Variants in NUBP2 observed in about 807,000 individuals in gnomAD.
NUBP2 encodes the protein NUBP iron-sulfur cluster assembly factor 2, cytosolic, also known as cytosolic Fe-S cluster assembly factor NUBP2.
A neutral mutation model predicts 24.9 loss-of-function variants in NUBP2; 23 were observed. The ratio of observed to expected loss-of-function variants is 0.92; its 90% CI spans 0.66 to 1.31. The LOEUF is 1.31. Ranked by LOEUF, NUBP2 falls within the 50% of genes most tolerant of loss-of-function variation. The probability of loss-of-function intolerance (pLI) is 0.00; values close to 1 mark genes in which losing one functional copy is unlikely to be tolerated. For synonymous variants in NUBP2, 186 were observed against 170.9 expected (o/e 1.09, Z -0.69); for missense variants, 403 against 386.5 (o/e 1.04, Z -0.36).
At chr16:1,785,930 A>T (rs1267376233) in intron 1 of NUBP2, 1 of 1,274,756 alleles carries the variant, frequency 7.8e-7, no homozygotes, top group Non-Finnish European at 1.0e-6. Context: ...TTGCCAAGGT[A>T]TCTGCACACA....
chr16:1,786,298 C>G, intron 1 of NUBP2: 1 of 544,562 alleles, frequency 1.8e-6, no homozygotes, highest in Non-Finnish European at 3.3e-6. Context: ...TCAGCAGCGC[C>G]GCCTCAGGCA....
At chr16:1,787,910 G>T in intron 4 of NUBP2, 31 bp from the exon 5 acceptor site, 1 of 1,600,760 alleles carries the variant, frequency 6.2e-7, no homozygotes. Context: ...GGTGCGCCTG[G>T]CTGACCGTGG....
chr16:1,783,701 CTT>C (rs949892057), intron 1 of NUBP2, among the ~76,000 whole-genome samples: 12 of 152,288 alleles, frequency 7.9e-5, no homozygotes, highest in East Asian at 1.9e-4. Context: ...GTGCTGGAGT[CTT>C]TTGTTTTTGA....
rs561316720 is a variant in NUBP2, at chr16:1,788,930, G to A, written c.*216G>A. 1.7e-6 allele frequency: 1 copy of A among 583,462 alleles called. No homozygotes were observed. Among genetic ancestry groups the A allele is most frequent in the South Asian group, 2.7e-5 (1 of 36,896 alleles). 36.1% of individuals were successfully genotyped at this position (583,462 alleles called of 1,614,324 possible). A position where few individuals can be genotyped will look rare whatever the true frequency, so the allele number is the denominator to read the frequency against. ...AGTGCCGTGGTCTGCGTGCTCTGCAGCTGTGAGACGGGGGCGGCCTGGGCT... is the reference window on the plus strand; with the variant it reads ...AGTGCCGTGGTCTGCGTGCTCTGCAACTGTGAGACGGGGGCGGCCTGGGCT... On this transcript the variant is annotated 3_prime_UTR_variant, in exon 7 of 7. Transcript: ENST00000262302.
rs344359 is a variant in NUBP2, at chr16:1,788,639, T to C, written c.741T>C (p.Pro247=). Residue 247 remains proline (P), a synonymous_variant, in exon 7 of 7, where the codon CCT becomes CCC. Transcript: ENST00000262302. ...EEGHDFIQEF[P]GSPAFAALTS... ...GCCACGACTTCATCCAGGAGTTCCC[T>C]GGGAGCCCCGCCTTCGCTGCACTCA... 1,311,661 of 1,610,876 alleles carry C rather than the reference T, an allele frequency of 0.81. 536,010 individuals are homozygous for C. Among genetic ancestry groups the C allele is most frequent in the African/African-American group, 0.94 (70,715 of 75,002 alleles).
At chr16:1,784,487 C>G (rs1257886090) in intron 1 of NUBP2, 3 of 151,948 alleles carry the variant, frequency 2.0e-5, no homozygotes, top group Non-Finnish European at 4.4e-5. Flanking sequence ...ACTGCAATCT[C>G]CACCTCCCAA....
chr16:1,784,309 A>C (rs557709583), intron 1 of NUBP2, among the ~76,000 whole-genome samples: 1 of 151,576 alleles, frequency 6.6e-6, no homozygotes, highest in Non-Finnish European at 1.5e-5. Context: ...GTGGTGCGGA[A>C]CTCCTCCTGG....
At chr16:1,785,293 G>GA (rs1304173819) in intron 1 of NUBP2, 4 of 1,045,044 alleles carry the variant, frequency 3.8e-6, no homozygotes, top group Non-Finnish European at 4.6e-6. Flanking sequence ...GCTGAGAAGT[G>GA]AAATGTTCTT....
At chr16:1,787,172 G>C in intron 3 of NUBP2, 1 of 505,886 alleles carries the variant, frequency 2.0e-6, no homozygotes, top group Non-Finnish European at 3.5e-6. Flanking sequence ...AGGGAGTGGG[G>C]TCTGCTGAGA....
At chr16:1,786,263 G>A (rs559970899) in intron 1 of NUBP2, 14 of 502,344 alleles carry the variant, frequency 2.8e-5, no homozygotes, top group Admixed American at 6.8e-5. Flanking sequence ...TCCACACAGC[G>A]AGAGGAGTTG....
At chr16:1,787,440 G>A (rs1596875789) in intron 3 of NUBP2, 4 of 590,344 alleles carry the variant, frequency 6.8e-6, no homozygotes, top group South Asian at 4.3e-5. Context: ...GGGAGTCAGC[G>A]GGGGCTCTGT....
At chr16:1,787,483 T>C (rs970822196) in intron 3 of NUBP2, 194 bp from the exon 4 acceptor site, 15 of 716,648 alleles carry the variant, frequency 2.1e-5, no homozygotes, top group Non-Finnish European at 3.0e-5. Context: ...AAAGGGACGC[T>C]GTAATGGCCC....
Position 1,788,768 on chromosome 16 carries a change from T to C in NUBP2, c.*54T>C. ...GGCCACCAAGGGCTCTGCTCCAGCCTCTCAGAGAAACAGAGGCCTGGGCTC... is the reference window on the plus strand; with the variant it reads ...GGCCACCAAGGGCTCTGCTCCAGCCCCTCAGAGAAACAGAGGCCTGGGCTC... On this transcript the variant is annotated 3_prime_UTR_variant, in exon 7 of 7. Coordinates refer to ENST00000262302, the MANE Select transcript of NUBP2 (RefSeq NM_012225.4). 3 of 1,554,588 alleles carry C rather than the reference T, an allele frequency of 1.9e-6. No individual in the cohort carries two copies. The highest frequency in any genetic ancestry group is 2.6e-6 in the Non-Finnish European group (3 of 1,149,630).
At chr16:1,787,873 C>G (rs757268132) in intron 4 of NUBP2, 42 bp downstream of exon 4, 139 of 1,601,626 alleles carry the variant, frequency 8.7e-5, no homozygotes, top group Non-Finnish European at 1.2e-4. Flanking sequence ...GGGTGGCTTC[C>G]CAGAGGGCTG....
In NUBP2 at chr16:1,786,082, GGTT is replaced by G. The variant is rs1294436209; in HGVS notation, c.17-450_17-448del. ...GGGACGCTGGTGTGTGACAACGCGTGGTTGTTGCCACCCACCCTGGGCCCTCTG... is the reference window on the plus strand; with the variant it reads ...GGGACGCTGGTGTGTGACAACGCGTGGTTGCCACCCACCCTGGGCCCTCTG... On this transcript the variant is annotated intron_variant, in intron 1 of 6. Transcript: ENST00000262302. 8 of 943,082 alleles carry G rather than the reference GGTT, an allele frequency of 8.5e-6. No individual in the cohort carries two copies. The African/African-American group carries it at 1.2e-4, about 14-fold the overall frequency. 58.4% of individuals were successfully genotyped at this position (943,082 alleles called of 1,614,324 possible).
Position 1,789,021 on chromosome 16 carries a change from C to T in NUBP2, c.*307C>T. 2 of 390,298 alleles carry T rather than the reference C, an allele frequency of 5.1e-6. No homozygotes were observed. The highest frequency in any genetic ancestry group is 9.3e-6 in the Non-Finnish European group (2 of 215,722). 24.2% of individuals were successfully genotyped at this position (390,298 alleles called of 1,614,324 possible). A position where few individuals can be genotyped will look rare whatever the true frequency, so the allele number is the denominator to read the frequency against. On this transcript the variant is annotated 3_prime_UTR_variant, in exon 7 of 7. Transcript: ENST00000262302. ...GCGTGTCCACACAGTTAGCGGAGCG[C>T]GGGACTTCTGCAGTCCTCAGGTGAC...
intron 3 of NUBP2, chr16:1,787,228 C>G (rs751531095): frequency 8.6e-5 from 38 of 443,236 alleles, no homozygotes; most frequent in Non-Finnish European, 1.4e-4. Context: ...TGTGGCAGGT[C>G]ATAGGGGCAG....
intron 1 of NUBP2, chr16:1,785,965 C>G: frequency 8.2e-7 from 1 of 1,216,114 alleles, no homozygotes; most frequent in African/African-American, 1.6e-5. Flanking sequence ...GTGGCAGGGA[C>G]AGGATGGGAC....
intron 1 of NUBP2, chr16:1,785,624 G>A (rs1274473922): frequency 7.8e-7 from 1 of 1,286,636 alleles, no homozygotes; most frequent in Non-Finnish European, 1.0e-6. Context: ...TGGTCTCGGG[G>A]CTTTGTGTTT....
Sources: allele counts gnomAD v4.1 joint callset (sites outside exome capture counted in the v4.1 genomes callset), GRCh38; gene constraint gnomAD v4.1.1; transcripts MANE v1.5; gene names NCBI Gene and HGNC (gene_info 2026-07-23, HGNC 2026-07-21).